Variants in DCDC2 observed in about 807,000 individuals in gnomAD.
The protein encoded by DCDC2 is doublecortin domain containing 2.
In DCDC2, 40 loss-of-function variants were observed where a neutral mutation model predicts 50.2. The ratio of observed to expected loss-of-function variants is 0.80; its 90% CI spans 0.62 to 1.04. The LOEUF is 1.04. DCDC2 is among the 50% of genes least tolerant of loss of function. The pLI, the probability that DCDC2 is intolerant of heterozygous loss-of-function variation, is 0.00. For synonymous variants in DCDC2, 234 were observed against 210.6 expected, an observed-to-expected ratio of 1.11 and a Z score of -0.96; for missense variants, 570 against 581.9, an observed-to-expected ratio of 0.98 and a Z score of 0.21.
chr6:24,176,633 AT>A (rs1363175043), intron 9 of DCDC2, among the ~76,000 whole-genome samples: 2 of 152,154 alleles, frequency 1.3e-5, no homozygotes, highest in Admixed American at 6.5e-5. Context: ...AACCCTTCAA[AT>A]CTGCTCTGTT....
intron 8 of DCDC2, among the ~76,000 whole-genome samples, chr6:24,189,714 G>A (rs1761274337): frequency 6.6e-6 from 1 of 152,046 alleles, no homozygotes; most frequent in South Asian, 2.1e-4. Context: ...CCACCCATTA[G>A]TTCTCTCTCC....
intron 2 of DCDC2, 95 bp downstream of exon 2, chr6:24,353,474 A>T: frequency 1.3e-6 from 1 of 748,826 alleles, no homozygotes; most frequent in Non-Finnish European, 2.3e-6. Context: ...TAGAGAACTC[A>T]TCAAAGTAGA....
rs1421717511 is a variant in DCDC2, at chr6:24,317,463, G to A, written c.349-15419C>T. 2.6e-5 allele frequency among the ~76,000 whole-genome samples: 4 copies of A among 152,010 alleles called. No homozygotes were observed. In the East Asian group the frequency reaches 5.8e-4, roughly 22 times the overall value. On this transcript the variant is annotated intron_variant, in intron 2 of 9. Transcript: ENST00000378454. ...GCATCTCTGGAAAAAGAGAAAATTC[G>A]ATCCATATCTTATACTATAGACAAG...
intron 2 of DCDC2, among the ~76,000 whole-genome samples, chr6:24,335,040 C>T (rs2127242917): frequency 6.6e-6 from 1 of 152,294 alleles, no homozygotes; most frequent in Admixed American, 6.5e-5. Context: ...ACTTGTACAA[C>T]CCTCTACTTG....
intron 6 of DCDC2, among the ~76,000 whole-genome samples, chr6:24,278,435 G>A (rs1477997835): frequency 2.0e-5 from 3 of 152,224 alleles, no homozygotes; most frequent in African/African-American, 7.2e-5. Context: ...AACAATCATT[G>A]GGTTCTTAAT....
intron 8 of DCDC2, among the ~76,000 whole-genome samples, chr6:24,186,514 T>C (rs73391956): frequency 0.023 from 3,523 of 152,014 alleles, 110 homozygotes; most frequent in African/African-American, 0.076. Context: ...CACTTCTTAT[T>C]GAAGAACAGT....
intron 1 of DCDC2, among the ~76,000 whole-genome samples, chr6:24,354,827 G>A (rs978999493): frequency 2.0e-5 from 3 of 152,034 alleles, no homozygotes; most frequent in African/African-American, 7.2e-5. Context: ...ATAAATAAGG[G>A]TTTAATAGCT....
intron 7 of DCDC2, among the ~76,000 whole-genome samples, chr6:24,245,489 A>G (rs1762650557): frequency 6.6e-6 from 1 of 152,230 alleles, no homozygotes; most frequent in Non-Finnish European, 1.5e-5. Flanking sequence ...AGATCTGTTT[A>G]TACTAGTCAA....
intron 7 of DCDC2, among the ~76,000 whole-genome samples, chr6:24,252,543 T>A (rs142350696): frequency 1.1e-4 from 16 of 152,274 alleles, no homozygotes; most frequent in African/African-American, 3.4e-4. Context: ...AAAACATGTA[T>A]GGATCAAAAA....
chr6:24,258,357 C>T (rs552454963), intron 7 of DCDC2, among the ~76,000 whole-genome samples: 8 of 152,128 alleles, frequency 5.3e-5, no homozygotes, highest in Admixed American at 1.3e-4. Context: ...ACTGATTGGT[C>T]CACTTTACAA....
intron 7 of DCDC2, among the ~76,000 whole-genome samples, chr6:24,252,203 T>C (rs1762808060): frequency 6.6e-6 from 1 of 152,182 alleles, no homozygotes; most frequent in Non-Finnish European, 1.5e-5. Context: ...TTCCAGCCCA[T>C]AGTGACTGTC....
intron 7 of DCDC2, among the ~76,000 whole-genome samples, chr6:24,242,991 G>A (rs72830828): frequency 0.095 from 14,344 of 151,622 alleles, 823 homozygotes; most frequent in East Asian, 0.17. Flanking sequence ...AAGAAGACAC[G>A]AACAAAGGAA....
At chr6:24,362,269 A>C (rs1435684541), upstream of DCDC2, among the ~76,000 whole-genome samples, 4 of 148,794 alleles carry the variant, frequency 2.7e-5, no homozygotes, top group East Asian at 7.9e-4. Flanking sequence ...ATTATTTTTT[A>C]TTTAATTGTA....
At chr6:24,196,647 C>T (rs1761450376) in intron 8 of DCDC2, among the ~76,000 whole-genome samples, 1 of 152,206 alleles carries the variant, frequency 6.6e-6, no homozygotes, top group African/African-American at 2.4e-5. Flanking sequence ...GTCTCGAACA[C>T]TCCTGACTTT....
In DCDC2 at chr6:24,204,634, A is replaced by T. The variant is rs138297758; in HGVS notation, c.1023+368T>A. ...GCCAGAACTTAAAGTATAATTTTTT[A>T]AAAATGCTTTTCTAAGTGGGTAAGT... On this transcript the variant is annotated intron_variant, in intron 8 of 9. Coordinates refer to ENST00000378454, the MANE Select transcript of DCDC2 (RefSeq NM_016356.5). Among the ~76,000 whole-genome samples, 607 of 152,292 alleles carry T rather than the reference A, an allele frequency of 4.0e-3. 6 individuals carry two copies. Among genetic ancestry groups the T allele is most frequent in the African/African-American group, 0.013 (560 of 41,566 alleles).
At chr6:24,369,178 A>G in the DCDC2 span, among the ~76,000 whole-genome samples, 1 of 151,660 alleles carries the variant, frequency 6.6e-6, no homozygotes, top group Non-Finnish European at 1.5e-5. Context: ...ACAGAAATAA[A>G]TGGGGAAAAG....
chr6:24,210,473 C>G (rs1418442703), intron 7 of DCDC2, among the ~76,000 whole-genome samples: 2 of 152,204 alleles, frequency 1.3e-5, no homozygotes, highest in Non-Finnish European at 2.9e-5. Context: ...ATCCCAAAAT[C>G]TGGGAATTAT....
intron 8 of DCDC2, 63 bp from the exon 9 acceptor site, chr6:24,178,695 A>C: frequency 7.0e-7 from 1 of 1,433,650 alleles, no homozygotes; most frequent in Non-Finnish European, 9.5e-7. Context: ...TCCACTGCAC[A>C]TCATAGTAAT....
At chr6:24,304,928 G>A (rs1005728860) in intron 2 of DCDC2, among the ~76,000 whole-genome samples, 5 of 152,096 alleles carry the variant, frequency 3.3e-5, no homozygotes, top group African/African-American at 1.2e-4. Context: ...TAGTGCCTTA[G>A]CTAGCAATGC....
Sources: gnomAD v4.1 joint callset for allele counts (sites outside exome capture counted in the v4.1 genomes callset) on GRCh38, gnomAD v4.1.1 for gene constraint, MANE v1.5 for transcripts, NCBI Gene and HGNC (gene_info 2026-07-23, HGNC 2026-07-21) for gene names.